TBC1D22A: variants seen among roughly 807,000 people sequenced by gnomAD.
The protein encoded by TBC1D22A is putative GTPase activator.
Under a neutral mutation model 60.2 loss-of-function variants are expected in TBC1D22A, and 38 were observed. The observed-to-expected ratio is 0.63, with a 90% CI of 0.49 to 0.83. TBC1D22A has a LOEUF of 0.83. Ranked by LOEUF, TBC1D22A falls within the 40% of genes least tolerant of loss-of-function variation. The pLI is 0.00. For synonymous variants in TBC1D22A, 302 were observed against 281.7 expected (o/e 1.07, Z -0.72); for missense variants, 628 against 701.0 (o/e 0.90, Z 1.18).
rs553913317 is a variant in TBC1D22A, at chr22:47,003,779, C to G, written c.1201+6070C>G. On this transcript the variant is annotated intron_variant, in intron 10 of 12. Transcript: ENST00000337137. ...CCGTACACACACATGCCTATACACA[C>G]ACACCCTACACACACATGCCTGTAC... Among the ~76,000 whole-genome samples, 429 of 139,172 alleles carry G rather than the reference C, an allele frequency of 3.1e-3. 3 individuals carry two copies. Among genetic ancestry groups the G allele is most frequent in the African/African-American group, 0.011 (411 of 37,634 alleles). 91.3% of individuals were successfully genotyped at this position (139,172 alleles called of 152,430 possible).
rs573756747 is a variant in TBC1D22A at position 47,062,042 on chromosome 22, C to T, written c.1329+24844C>T. ...GGCAGAGGTTGCAGTGAGCCCAGATCGCTCTGCTGCACTCCAGCCTGGGCG... is the reference window on the plus strand; with the variant it reads ...GGCAGAGGTTGCAGTGAGCCCAGATTGCTCTGCTGCACTCCAGCCTGGGCG... On this transcript the variant is annotated intron_variant, in intron 11 of 12. Coordinates refer to ENST00000337137, the MANE Select transcript of TBC1D22A (RefSeq NM_014346.5). 2.0e-3 allele frequency among the ~76,000 whole-genome samples: 287 copies of T among 142,130 alleles called. 1 individual carries two copies. The highest frequency in any genetic ancestry group is 7.2e-3 in the African/African-American group (270 of 37,672). 93.2% of individuals were successfully genotyped at this position (142,130 alleles called of 152,430 possible).
intron 1 of TBC1D22A, among the ~76,000 whole-genome samples, chr22:46,773,430 G>A (rs779318532): frequency 6.6e-6 from 1 of 152,212 alleles, no homozygotes; most frequent in African/African-American, 2.4e-5. Context: ...TCACGCTAGG[G>A]ATTGTCTGTG....
chr22:47,099,444 T>TAA (rs1174613823), intron 11 of TBC1D22A, among the ~76,000 whole-genome samples: 3 of 149,790 alleles, frequency 2.0e-5, no homozygotes, highest in Non-Finnish European at 4.4e-5. Context: ...TCTTTTTTCT[T>TAA]TTGTTGTTTT....
At chr22:46,920,065 A>ATGTG (rs1241215594) in intron 8 of TBC1D22A, among the ~76,000 whole-genome samples, 3 of 148,368 alleles carry the variant, frequency 2.0e-5, no homozygotes, top group African/African-American at 7.8e-5. Context: ...GTTTGTATGT[A>ATGTG]TGTATGTATG....
At chr22:46,918,364 T>C (rs903281463) in intron 8 of TBC1D22A, among the ~76,000 whole-genome samples, 2 of 152,188 alleles carry the variant, frequency 1.3e-5, no homozygotes, top group Admixed American at 1.3e-4. Flanking sequence ...AGCGATGTCC[T>C]CCATCAGCCA....
Position 47,175,483 on chromosome 22 carries a change from A to C in TBC1D22A, c.*1857A>C, listed in dbSNP as rs905187236. Reference sequence around the variant, plus strand: ...GTGTGGCCAGAAGGCTGCGGACACAACTGACCTGCTTCTCGAGGTGGTTGA... The same window carrying C: ...GTGTGGCCAGAAGGCTGCGGACACACCTGACCTGCTTCTCGAGGTGGTTGA... On this transcript the variant is annotated 3_prime_UTR_variant, in exon 13 of 13. Transcript: ENST00000337137. 8 of 152,248 alleles carry C rather than the reference A, an allele frequency of 5.3e-5. No homozygotes were observed. The highest frequency in any genetic ancestry group is 4.6e-4 in the Admixed American group (7 of 15,290). The allele number at this position is 152,248 out of a possible 1,614,324, so 9.4% of individuals were successfully genotyped here. A position where few individuals can be genotyped will look rare whatever the true frequency, so the allele number is the denominator to read the frequency against.
Position 47,001,279 on chromosome 22 carries a change from T to C in TBC1D22A, c.1201+3570T>C, listed in dbSNP as rs188224156. On this transcript the variant is annotated intron_variant, in intron 10 of 12. Coordinates refer to ENST00000337137, the MANE Select transcript of TBC1D22A (RefSeq NM_014346.5). ...TGTCTGGAGGAAGTTACAACTGAAA[T>C]TGTATTTTTTTCTTTCTTTCTTTTT... 1.0e-4 allele frequency among the ~76,000 whole-genome samples: 15 copies of C among 145,482 alleles called. No homozygotes were observed. In the East Asian group the frequency reaches 2.8e-3, roughly 28 times the overall value.
chr22:46,860,766 C>A (rs1196554995), intron 4 of TBC1D22A, among the ~76,000 whole-genome samples: 1 of 152,224 alleles, frequency 6.6e-6, no homozygotes, highest in Non-Finnish European at 1.5e-5. Context: ...TGAGGAGATC[C>A]TGCTGCCAGG....
chr22:47,109,240 C>T (rs2065754934), intron 11 of TBC1D22A, among the ~76,000 whole-genome samples: 1 of 152,094 alleles, frequency 6.6e-6, no homozygotes, highest in African/African-American at 2.4e-5. Context: ...ACACAGAAAA[C>T]AAAGATTGGC....
At chr22:47,050,265 A>C (rs943351560) in intron 11 of TBC1D22A, among the ~76,000 whole-genome samples, 1 of 151,226 alleles carries the variant, frequency 6.6e-6, no homozygotes, top group Non-Finnish European at 1.5e-5. Flanking sequence ...TCGGCCCCCC[A>C]GGGTGCTGGG....
At chr22:46,960,774 G>A (rs1039686790) in intron 8 of TBC1D22A, among the ~76,000 whole-genome samples, 2 of 151,944 alleles carry the variant, frequency 1.3e-5, no homozygotes, top group African/African-American at 4.8e-5. Flanking sequence ...GTGAAACGCT[G>A]TCTCGACTAA....
chr22:47,106,466 G>T (rs902177960), intron 11 of TBC1D22A, among the ~76,000 whole-genome samples: 1 of 152,190 alleles, frequency 6.6e-6, no homozygotes, highest in Non-Finnish European at 1.5e-5. Context: ...AATAGCGGAG[G>T]CTAGAAGATG....
intron 12 of TBC1D22A, among the ~76,000 whole-genome samples, chr22:47,165,415 C>T (rs1368764959): frequency 6.6e-6 from 1 of 152,188 alleles, no homozygotes; most frequent in Non-Finnish European, 1.5e-5. Context: ...GGTATCGCTG[C>T]CCCTCTCGCC....
intron 4 of TBC1D22A, among the ~76,000 whole-genome samples, chr22:46,829,125 G>A (rs1301486279): frequency 6.6e-6 from 1 of 152,094 alleles, no homozygotes; most frequent in African/African-American, 2.4e-5. Context: ...TCCAAGTGTC[G>A]GATCAAATAG....
At chr22:47,040,109 T>C (rs1012279334) in intron 11 of TBC1D22A, among the ~76,000 whole-genome samples, 9 of 151,780 alleles carry the variant, frequency 5.9e-5, no homozygotes, top group African/African-American at 2.2e-4. Flanking sequence ...CACGCCCGGC[T>C]AATTTTTTTG....
chr22:46,955,929 G>C (rs76343244), intron 8 of TBC1D22A, among the ~76,000 whole-genome samples: 1 of 152,336 alleles, frequency 6.6e-6, no homozygotes, highest in African/African-American at 2.4e-5. Flanking sequence ...ATGAGTTGAG[G>C]CTTGAACCAG....
chr22:47,068,519 C>T (rs1234814175), intron 11 of TBC1D22A, among the ~76,000 whole-genome samples: 2 of 152,222 alleles, frequency 1.3e-5, no homozygotes, highest in Non-Finnish European at 2.9e-5. Flanking sequence ...TAAGTTCTTT[C>T]TGTGGACCTG....
chr22:47,137,216 G>T (rs1443372014), intron 12 of TBC1D22A, among the ~76,000 whole-genome samples: 1 of 152,170 alleles, frequency 6.6e-6, no homozygotes, highest in African/African-American at 2.4e-5. Context: ...GTTCAACTTT[G>T]GGGTGTTTGT....
At chr22:47,145,424 T>C (rs1013094479) in intron 12 of TBC1D22A, among the ~76,000 whole-genome samples, 12 of 152,198 alleles carry the variant, frequency 7.9e-5, no homozygotes, top group African/African-American at 2.9e-4. Context: ...ACCTTTGACC[T>C]CTTAGGACTG....
Sources: allele counts gnomAD v4.1 joint callset (sites outside exome capture counted in the v4.1 genomes callset), GRCh38; gene constraint gnomAD v4.1.1; transcripts MANE v1.5; gene names NCBI Gene and HGNC (gene_info 2026-07-23, HGNC 2026-07-21).